TNS3: variants seen among roughly 807,000 people sequenced by gnomAD.
TNS3 encodes tensin-3.
TNS3 carries 45 observed loss-of-function variants against 140.9 expected under a neutral mutation model. That is an observed-to-expected ratio of 0.32 (90% CI 0.25 to 0.41). The LOEUF (loss-of-function observed/expected upper bound fraction) is 0.41, where lower values mean the gene tolerates loss of function less well. TNS3 is among the 10% of genes least tolerant of loss of function. The probability of loss-of-function intolerance (pLI) is 1.00; values close to 1 mark genes in which losing one functional copy is unlikely to be tolerated. For synonymous variants in TNS3, 815 were observed against 788.4 expected, an observed-to-expected ratio of 1.03 and a Z score of -0.56; for missense variants, 1,716 against 1,906.7, an observed-to-expected ratio of 0.90 and a Z score of 1.86.
chr7:47,453,202 C>A, intron 4 of TNS3: 4 of 985,622 alleles, frequency 4.1e-6, no homozygotes, highest in Non-Finnish European at 4.8e-6. Context: ...GCTCACAGGA[C>A]AATGTCCGCC....
chr7:47,476,229 T>C (rs970818343), intron 4 of TNS3, among the ~76,000 whole-genome samples: 3 of 152,080 alleles, frequency 2.0e-5, no homozygotes, highest in Non-Finnish European at 4.4e-5. Flanking sequence ...CCCAGAAAAG[T>C]GAAAGAACTC....
intron 6 of TNS3, among the ~76,000 whole-genome samples, chr7:47,437,789 T>C (rs1261546603): frequency 8.3e-6 from 1 of 120,428 alleles, no homozygotes; most frequent in Non-Finnish European, 1.9e-5. Flanking sequence ...CACACACGTA[T>C]AAAATATATA....
intron 1 of TNS3, among the ~76,000 whole-genome samples, chr7:47,558,079 C>A (rs1449927793): frequency 6.6e-6 from 1 of 152,208 alleles, no homozygotes; most frequent in Non-Finnish European, 1.5e-5. Context: ...CAGGCCCAGG[C>A]TGGCCCTCCA....
At chr7:47,334,570 T>C (rs2150936022) in intron 20 of TNS3, among the ~76,000 whole-genome samples, 1 of 151,748 alleles carries the variant, frequency 6.6e-6, no homozygotes, top group South Asian at 2.1e-4. Context: ...AATTATGAAA[T>C]AGTTTGGAAG....
chr7:47,494,979 G>A (rs1325882641), intron 3 of TNS3, among the ~76,000 whole-genome samples: 2 of 151,982 alleles, frequency 1.3e-5, no homozygotes, highest in Admixed American at 6.6e-5. Context: ...GAAGAAATGG[G>A]GGCTTCACTA....
chr7:47,315,982 T>TG (rs1366660906), intron 20 of TNS3, among the ~76,000 whole-genome samples: 4 of 152,192 alleles, frequency 2.6e-5, no homozygotes, highest in Non-Finnish European at 5.9e-5. Context: ...TGAAGAAACT[T>TG]GAGTTTTGTT....
At chr7:47,441,245 C>A (rs1357133501) in intron 5 of TNS3, among the ~76,000 whole-genome samples, 3 of 152,154 alleles carry the variant, frequency 2.0e-5, no homozygotes, top group African/African-American at 7.2e-5. Flanking sequence ...GTGGCGCAAT[C>A]TCGGCTTACT....
At chr7:47,354,845 C>T (rs927125385) in intron 17 of TNS3, among the ~76,000 whole-genome samples, 21 of 152,134 alleles carry the variant, frequency 1.4e-4, no homozygotes, top group African/African-American at 3.9e-4. Flanking sequence ...TCCACCAAAA[C>T]ATGACATGGT....
chr7:47,482,250 G>A (rs573376907), intron 3 of TNS3, among the ~76,000 whole-genome samples: 3 of 152,252 alleles, frequency 2.0e-5, no homozygotes, highest in South Asian at 2.1e-4. Flanking sequence ...AGTGGGCGGC[G>A]GCGTAATCTT....
chr7:47,416,859 C>T (rs1002566456), intron 10 of TNS3, among the ~76,000 whole-genome samples: 1 of 152,196 alleles, frequency 6.6e-6, no homozygotes, highest in African/African-American at 2.4e-5. Context: ...CACAAATGCC[C>T]GGATTGAGAG....
At chr7:47,430,217 C>T (rs544606491) in intron 8 of TNS3, among the ~76,000 whole-genome samples, 39 of 151,970 alleles carry the variant, frequency 2.6e-4, no homozygotes, top group African/African-American at 9.2e-4. Flanking sequence ...CAACCTCCAC[C>T]TCCCGAGTTC....
intron 17 of TNS3, among the ~76,000 whole-genome samples, chr7:47,367,616 C>T (rs542947016): frequency 2.0e-5 from 3 of 152,298 alleles, no homozygotes; most frequent in African/African-American, 7.2e-5. Context: ...ATGACCCCGG[C>T]CTGGTTTTGG....
intron 1 of TNS3, among the ~76,000 whole-genome samples, chr7:47,570,128 C>T (rs1800520354): frequency 2.0e-5 from 3 of 152,092 alleles, no homozygotes; most frequent in South Asian, 4.2e-4. Context: ...CCAGCCTGGG[C>T]GACAAGAGCG....
chr7:47,281,688 A>G (rs1211540541), intron 28 of TNS3, among the ~76,000 whole-genome samples: 1 of 152,212 alleles, frequency 6.6e-6, no homozygotes. Flanking sequence ...GACATGACCC[A>G]TCTCCAGGGA....
intron 16 of TNS3, among the ~76,000 whole-genome samples, chr7:47,380,365 G>GGA (rs1167791127): frequency 1.5e-4 from 23 of 152,232 alleles, no homozygotes; most frequent in African/African-American, 5.5e-4. Flanking sequence ...GAGGAAAAGA[G>GGA]GAGGTCCTGT....
At chr7:47,471,041 C>T (rs1449328974) in intron 4 of TNS3, among the ~76,000 whole-genome samples, 1 of 151,782 alleles carries the variant, frequency 6.6e-6, no homozygotes, top group East Asian at 1.9e-4. Context: ...GAGGAGTCTG[C>T]CTGAAGGGAA....
rs138736430 is a variant in TNS3 at position 47,470,088 on chromosome 7, A to G, written c.-76+11015T>C. 2.3e-3 allele frequency among the ~76,000 whole-genome samples: 357 copies of G among 152,234 alleles called. 2 individuals carry two copies. The highest frequency in any genetic ancestry group is 8.2e-3 in the African/African-American group (341 of 41,552). Reference sequence around the variant, plus strand: ...AGCAACATAGATGGATGTGGATGCCATAACCCTAGACAAATTAACACAGGA... The same window carrying G: ...AGCAACATAGATGGATGTGGATGCCGTAACCCTAGACAAATTAACACAGGA... On this transcript the variant is annotated intron_variant, in intron 4 of 30. Transcript: ENST00000311160.
At chr7:47,375,541 A>T (rs1281153489) in intron 16 of TNS3, among the ~76,000 whole-genome samples, 1 of 152,164 alleles carries the variant, frequency 6.6e-6, no homozygotes, top group African/African-American at 2.4e-5. Context: ...CCTGCAGGGG[A>T]TCCTTCTCTT....
At chr7:47,366,152 A>AG (rs1337806911) in intron 17 of TNS3, among the ~76,000 whole-genome samples, 1 of 152,226 alleles carries the variant, frequency 6.6e-6, no homozygotes, top group Non-Finnish European at 1.5e-5. Context: ...TACTGCAGAT[A>AG]GTTTTTTCCC....
Sources: gnomAD v4.1 joint callset for allele counts (sites outside exome capture counted in the v4.1 genomes callset) on GRCh38, gnomAD v4.1.1 for gene constraint, MANE v1.5 for transcripts, NCBI Gene and HGNC (gene_info 2026-07-23, HGNC 2026-07-21) for gene names.